The following EXOC4 variants were observed in gnomAD, a reference collection of about 807,000 sequenced individuals.
EXOC4 encodes the protein exocyst complex component 4.
In EXOC4, 71 loss-of-function variants were observed where a neutral mutation model predicts 107.2. The observed-to-expected ratio is 0.66, with a 90% CI of 0.55 to 0.81. The LOEUF is 0.81. Ranked by LOEUF, EXOC4 falls within the 30% of genes least tolerant of loss-of-function variation. The probability of loss-of-function intolerance (pLI) is 0.00; values close to 1 mark genes in which losing one functional copy is unlikely to be tolerated. For missense variants in EXOC4, 1,108 were observed against 1,189.6 expected (o/e 0.93, Z 1.01); for synonymous variants, 456 against 441.2 (o/e 1.03, Z -0.42).
intron 10 of EXOC4, among the ~76,000 whole-genome samples, chr7:133,772,273 A>G (rs1232083192): frequency 3.9e-5 from 6 of 152,084 alleles, no homozygotes; most frequent in Non-Finnish European, 8.8e-5. Context: ...GGTAATATTT[A>G]GGAACATCTC....
At chr7:133,640,051 A>G (rs1438487143) in intron 10 of EXOC4, among the ~76,000 whole-genome samples, 1 of 152,204 alleles carries the variant, frequency 6.6e-6, no homozygotes, top group African/African-American at 2.4e-5. Flanking sequence ...TCAAATGTAT[A>G]AATCTGTACA....
intron 6 of EXOC4, among the ~76,000 whole-genome samples, chr7:133,362,558 C>G (rs1351141107): frequency 1.3e-5 from 2 of 152,088 alleles, no homozygotes; most frequent in Non-Finnish European, 2.9e-5. Flanking sequence ...AATTATTGCT[C>G]TAAAATTGGA....
chr7:133,487,100 C>T (rs1189114409), intron 9 of EXOC4, among the ~76,000 whole-genome samples: 1 of 151,984 alleles, frequency 6.6e-6, no homozygotes, highest in Admixed American at 6.6e-5. Context: ...TTTTGTCTAG[C>T]CAGTAGACAA....
chr7:133,607,563 A>T (rs1801977936), intron 9 of EXOC4, among the ~76,000 whole-genome samples: 1 of 152,212 alleles, frequency 6.6e-6, no homozygotes. Flanking sequence ...TGTAGTAAAT[A>T]AATAATTATA....
intron 10 of EXOC4, among the ~76,000 whole-genome samples, chr7:133,649,783 G>A (rs1585053996): frequency 6.6e-6 from 1 of 152,228 alleles, no homozygotes; most frequent in East Asian, 1.9e-4. Flanking sequence ...GTTATTTAGA[G>A]GGAGAGGGTG....
intron 6 of EXOC4, among the ~76,000 whole-genome samples, chr7:133,367,688 C>G (rs963582934): frequency 6.6e-6 from 1 of 152,150 alleles, no homozygotes; most frequent in Non-Finnish European, 1.5e-5. Flanking sequence ...CCTTTGTTCT[C>G]TTATCTTTGA....
chr7:133,373,811 G>A (rs1338731353), intron 6 of EXOC4, among the ~76,000 whole-genome samples: 1 of 152,152 alleles, frequency 6.6e-6, no homozygotes, highest in Non-Finnish European at 1.5e-5. Context: ...GCTAATTATT[G>A]TTCTAAGTGC....
chr7:133,292,313 TTG>T (rs1177695838), intron 3 of EXOC4, among the ~76,000 whole-genome samples: 3 of 152,244 alleles, frequency 2.0e-5, no homozygotes, highest in African/African-American at 7.2e-5. Flanking sequence ...CTTTGCAATG[TTG>T]TGTTCTTATC....
chr7:133,494,235 A>G (rs1190268169), intron 9 of EXOC4, among the ~76,000 whole-genome samples: 1 of 152,164 alleles, frequency 6.6e-6, no homozygotes, highest in Non-Finnish European at 1.5e-5. Context: ...CTTCAGAAGT[A>G]CCCTTATAGA....
chr7:133,384,144 A>T (rs1304110500), intron 7 of EXOC4, among the ~76,000 whole-genome samples: 2 of 152,160 alleles, frequency 1.3e-5, no homozygotes, highest in Non-Finnish European at 2.9e-5. Context: ...TCAGAGTGCT[A>T]GGGTGTCTAA....
intron 9 of EXOC4, among the ~76,000 whole-genome samples, chr7:133,544,779 A>G (rs1584988905): frequency 1.3e-5 from 2 of 151,112 alleles, no homozygotes; most frequent in Non-Finnish European, 2.9e-5. Context: ...ATTGCTGTGC[A>G]GGGTTGATTT....
chr7:133,465,140 A>G (rs948477536), intron 7 of EXOC4, among the ~76,000 whole-genome samples: 1 of 152,240 alleles, frequency 6.6e-6, no homozygotes, highest in South Asian at 2.1e-4. Context: ...GTAATGGTGT[A>G]AGATAATTCT....
At chr7:133,828,399 A>G (rs985223025) in intron 11 of EXOC4, among the ~76,000 whole-genome samples, 1 of 152,174 alleles carries the variant, frequency 6.6e-6, no homozygotes, top group Non-Finnish European at 1.5e-5. Context: ...CGAGATTACT[A>G]GTAGGAGCCA....
At chr7:133,930,426 C>T (rs948316433) in intron 13 of EXOC4, 1 of 152,170 alleles carries the variant, frequency 6.6e-6, no homozygotes, top group Non-Finnish European at 1.5e-5. Flanking sequence ...CAATTGTGTT[C>T]CAAGTCTACA....
chr7:133,825,393 T>C (rs1308778148), intron 11 of EXOC4, among the ~76,000 whole-genome samples: 1 of 151,952 alleles, frequency 6.6e-6, no homozygotes, highest in Non-Finnish European at 1.5e-5. Flanking sequence ...TAAATAGGTA[T>C]TCTGTTAAGG....
At chr7:133,567,269 T>C (rs1370191181) in intron 9 of EXOC4, among the ~76,000 whole-genome samples, 1 of 151,932 alleles carries the variant, frequency 6.6e-6, no homozygotes, top group Non-Finnish European at 1.5e-5. Flanking sequence ...ATATATATTC[T>C]TTTTTTTCCT....
chr7:133,755,282 T>TAATATATATATAA (rs1301777135), intron 10 of EXOC4, among the ~76,000 whole-genome samples: 1 of 104,786 alleles, frequency 9.5e-6, no homozygotes, highest in African/African-American at 4.0e-5. Context: ...ATTATATATA[T>TAATATATATATAA]TATATACATA....
At chr7:133,429,443 G>A (rs532752917) in intron 7 of EXOC4, among the ~76,000 whole-genome samples, 3 of 152,076 alleles carry the variant, frequency 2.0e-5, no homozygotes, top group East Asian at 1.9e-4. Context: ...AAAGCATTGC[G>A]ATATAATTCA....
chr7:133,410,178 G>A (rs1248945663), intron 7 of EXOC4, among the ~76,000 whole-genome samples: 1 of 152,092 alleles, frequency 6.6e-6, no homozygotes, highest in Non-Finnish European at 1.5e-5. Flanking sequence ...AGCACCACAT[G>A]GTTAGTCTGC....
Sources: gnomAD v4.1 joint callset for allele counts (sites outside exome capture counted in the v4.1 genomes callset) on GRCh38, gnomAD v4.1.1 for gene constraint, MANE v1.5 for transcripts, NCBI Gene and HGNC (gene_info 2026-07-23, HGNC 2026-07-21) for gene names.